The following UBE2D2 variants were observed in gnomAD, a reference collection of about 807,000 sequenced individuals.
The protein encoded by UBE2D2 is ubiquitin-conjugating enzyme E2 D2.
A neutral mutation model predicts 24.2 loss-of-function variants in UBE2D2; 2 were observed. That is an observed-to-expected ratio of 0.08 (90% CI 0.03 to 0.26). The LOEUF (loss-of-function observed/expected upper bound fraction) is 0.26. Ranked by LOEUF, UBE2D2 falls within the 10% of genes least tolerant of loss-of-function variation. The pLI is 1.00. For synonymous variants in UBE2D2, 58 were observed against 56.5 expected (o/e 1.03, Z -0.12); for missense variants, 44 against 177.6 (o/e 0.25, Z 4.28).
In UBE2D2 at chr5:139,561,754, GT is replaced by G; in HGVS notation, c.-37del. 3 of 543,712 alleles carry G rather than the reference GT, an allele frequency of 5.5e-6. No homozygotes were observed. Among genetic ancestry groups the G allele is most frequent in the Non-Finnish European group, 8.3e-6 (3 of 363,304 alleles). The allele number at this position is 543,712 out of a possible 1,614,324, so 33.7% of individuals were successfully genotyped here. On this transcript the variant is annotated 5_prime_UTR_variant, in exon 1 of 7. Transcript: ENST00000398733. ...CCTTCCCCGTCCCTTCCCCGCCCCC[GT>G]CCCCGCCCCGGGGGCCGCCGCCACC... is the stretch of plus-strand genomic sequence containing the variant.
intron 1 of UBE2D2, among the ~76,000 whole-genome samples, chr5:139,542,217 A>G (rs1297752019): frequency 6.6e-6 from 1 of 152,144 alleles, no homozygotes; most frequent in East Asian, 1.9e-4. Context: ...TGAATTCACG[A>G]GTACCATTTG....
chr5:139,539,675 T>C (rs1477784298), intron 1 of UBE2D2, among the ~76,000 whole-genome samples: 2 of 152,094 alleles, frequency 1.3e-5, no homozygotes, highest in African/African-American at 4.8e-5. Context: ...GACTGCAACC[T>C]CTGCCTCCCG....
At chr5:139,575,668 G>T (rs1753454584) in intron 1 of UBE2D2, among the ~76,000 whole-genome samples, 1 of 152,164 alleles carries the variant, frequency 6.6e-6, no homozygotes, top group African/African-American at 2.4e-5. Flanking sequence ...CACCTGTAAT[G>T]CATCATGCCA....
chr5:139,619,795 G>A (rs1314094614), intron 5 of UBE2D2, among the ~76,000 whole-genome samples: 1 of 151,904 alleles, frequency 6.6e-6, no homozygotes, highest in Non-Finnish European at 1.5e-5. Flanking sequence ...CCCGGGAGGC[G>A]GAGGTTGCAG....
Position 139,583,086 on chromosome 5 carries a change from C to G in UBE2D2, c.25-17286C>G, listed in dbSNP as rs1315143530. ...GCCTCTTGGGTTCCAGTGATTCTCC[C>G]GCTTCAGCCTCCCTAGTAGCTGGGA... On this transcript the variant is annotated intron_variant, in intron 1 of 6. Coordinates refer to ENST00000398733, the MANE Select transcript of UBE2D2 (RefSeq NM_003339.3). Among the ~76,000 whole-genome samples the G allele has an allele frequency of 2.0e-5, 3 of 151,774 alleles. No individual in the cohort carries two copies. In the South Asian group the frequency reaches 6.2e-4, roughly 32 times the overall value.
At chr5:139,550,880 A>C (rs946545317) in intron 1 of UBE2D2, among the ~76,000 whole-genome samples, 16 of 152,136 alleles carry the variant, frequency 1.1e-4, no homozygotes, top group Admixed American at 2.0e-4. Flanking sequence ...ATCTTTAAGA[A>C]CTGTAGCACT....
intron 1 of UBE2D2, among the ~76,000 whole-genome samples, chr5:139,584,500 C>T (rs559024605): frequency 6.6e-6 from 1 of 151,550 alleles, no homozygotes; most frequent in Non-Finnish European, 1.5e-5. Context: ...ACACATTTAC[C>T]CCAAAACACC....
chr5:139,616,390 T>C (rs1754422330), intron 5 of UBE2D2, among the ~76,000 whole-genome samples: 1 of 151,936 alleles, frequency 6.6e-6, no homozygotes, highest in Non-Finnish European at 1.5e-5. Context: ...GATAAAAGAG[T>C]TCACTGGATG....
intron 1 of UBE2D2, among the ~76,000 whole-genome samples, chr5:139,546,242 C>T (rs1233998525): frequency 6.6e-6 from 1 of 151,944 alleles, no homozygotes; most frequent in Admixed American, 6.6e-5. Flanking sequence ...CGAGGATTCA[C>T]CATGTTGGCC....
chr5:139,623,632 T>C (rs1754558480), intron 6 of UBE2D2, 171 bp downstream of exon 6: 2 of 474,792 alleles, frequency 4.2e-6, no homozygotes, highest in South Asian at 4.5e-5. Flanking sequence ...TATAAGTAGA[T>C]GATGCCAGTC....
intron 1 of UBE2D2, among the ~76,000 whole-genome samples, chr5:139,543,553 C>T (rs1752784954): frequency 6.6e-6 from 1 of 152,206 alleles, no homozygotes; most frequent in African/African-American, 2.4e-5. Context: ...GCTGCCCCGG[C>T]GACGACACGG....
At chr5:139,532,722 A>G (rs888950527) in intron 1 of UBE2D2, among the ~76,000 whole-genome samples, 1 of 151,876 alleles carries the variant, frequency 6.6e-6, no homozygotes, top group Non-Finnish European at 1.5e-5. Context: ...CCTGACCTCA[A>G]CGGATCAGCC....
intron 5 of UBE2D2, among the ~76,000 whole-genome samples, chr5:139,622,921 T>A (rs1251658154): frequency 1.4e-5 from 2 of 140,966 alleles, no homozygotes; most frequent in Admixed American, 7.3e-5. Context: ...AAAAAACTAT[T>A]TGCCAGGTGT....
chr5:139,579,954 G>T (rs1753558459), intron 1 of UBE2D2, among the ~76,000 whole-genome samples: 1 of 151,834 alleles, frequency 6.6e-6, no homozygotes, highest in Admixed American at 6.6e-5. Flanking sequence ...GGCTGAGGCA[G>T]GAGAATTGCT....
intron 1 of UBE2D2, among the ~76,000 whole-genome samples, chr5:139,534,439 G>A (rs185174247): frequency 0.059 from 9,026 of 151,970 alleles, 306 homozygotes; most frequent in South Asian, 0.11. Context: ...CGTGGCGGGC[G>A]CCTGTAGTCC....
intron 1 of UBE2D2, chr5:139,562,235 C>G (rs758633629): frequency 1.5e-6 from 2 of 1,367,502 alleles, no homozygotes; most frequent in South Asian, 1.1e-5. Context: ...CCTCCCACAC[C>G]TGCCCTAGCT....
chr5:139,555,924 C>CAAAAA (rs1168084041), intron 1 of UBE2D2, among the ~76,000 whole-genome samples: 2 of 9,324 alleles, frequency 2.1e-4, no homozygotes, highest in Non-Finnish European at 4.0e-4. Flanking sequence ...GACTCCATCT[C>CAAAAA]AAAAAAAAAA....
intron 1 of UBE2D2, among the ~76,000 whole-genome samples, chr5:139,549,288 T>C (rs1752873955): frequency 6.6e-6 from 1 of 152,038 alleles, no homozygotes; most frequent in African/African-American, 2.4e-5. Flanking sequence ...CGGGAGCCCC[T>C]CTCTGGGCTA....
At chr5:139,574,315 A>G (rs568320694) in intron 1 of UBE2D2, among the ~76,000 whole-genome samples, 1 of 151,830 alleles carries the variant, frequency 6.6e-6, no homozygotes, top group African/African-American at 2.4e-5. Context: ...TAGAAGAAAA[A>G]TATTACTGTC....
Sources: allele counts gnomAD v4.1 joint callset (sites outside exome capture counted in the v4.1 genomes callset), GRCh38; gene constraint gnomAD v4.1.1; transcripts MANE v1.5; gene names NCBI Gene and HGNC (gene_info 2026-07-23, HGNC 2026-07-21).